The following ZNF208 variants were observed in gnomAD, a reference collection of about 807,000 sequenced individuals.
ZNF208 encodes zinc finger protein 95.
In ZNF208, 10 loss-of-function variants were observed where a neutral mutation model predicts 12.1. The ratio of observed to expected loss-of-function variants is 0.83; its 90% CI spans 0.51 to 1.40. The LOEUF is 1.40. ZNF208 is among the 40% of genes most tolerant of loss of function. The pLI, the probability that ZNF208 is intolerant of heterozygous loss-of-function variation, is 0.00. For synonymous variants in ZNF208, 497 were observed against 488.4 expected (o/e 1.02, Z -0.23); for missense variants, 1,652 against 1,485.0 (o/e 1.11, Z -1.85).
chr19:21,994,226 C>T (rs529837901), intron 1 of ZNF208, among the ~76,000 whole-genome samples: 1 of 152,030 alleles, frequency 6.6e-6, no homozygotes, highest in East Asian at 1.9e-4. Context: ...TCTGGAGGAA[C>T]AGAAAACAAG....
At chr19:21,975,376 C>A (rs1200593999) in intron 3 of ZNF208, among the ~76,000 whole-genome samples, 1 of 152,008 alleles carries the variant, frequency 6.6e-6, no homozygotes, top group Non-Finnish European at 1.5e-5. Context: ...CAGAGAGAGA[C>A]CAGATGTACC....
In ZNF208 at chr19:21,980,452, C is replaced by T. The variant is rs1207713037; in HGVS notation, c.227-5645G>A. On this transcript the variant is annotated intron_variant, in intron 3 of 3. Transcript: ENST00000397126. The stretch of plus-strand genomic sequence containing the variant: ...GTACAACTACATGGAAACTGAACAA[C>T]CTGCTCCTGAATGATTATAGGGTAA... 2.6e-5 allele frequency among the ~76,000 whole-genome samples: 4 copies of T among 152,128 alleles called. No individual in the cohort carries two copies. The East Asian group carries it at 7.7e-4, about 29-fold the overall frequency.
intron 1 of ZNF208, among the ~76,000 whole-genome samples, chr19:22,008,195 C>T (rs558377711): frequency 1.1e-4 from 17 of 148,064 alleles, no homozygotes; most frequent in South Asian, 2.1e-4. Flanking sequence ...CCCAGCTACT[C>T]AGGAGGCTGA....
chr19:21,964,321 C>T (rs1027754658), downstream of ZNF208, among the ~76,000 whole-genome samples: 2 of 151,642 alleles, frequency 1.3e-5, no homozygotes, highest in African/African-American at 4.8e-5. Flanking sequence ...GAACCCAGCA[C>T]TCAGAAATAG....
intron 4 of ZNF208, among the ~76,000 whole-genome samples, chr19:21,947,168 C>G (rs1225485314): frequency 6.6e-6 from 1 of 152,084 alleles, no homozygotes; most frequent in African/African-American, 2.4e-5. Flanking sequence ...TAAATTTTTA[C>G]TCAGTAAGGG....
intron 1 of ZNF208, among the ~76,000 whole-genome samples, chr19:21,989,123 C>G (rs1461253631): frequency 6.6e-6 from 1 of 151,532 alleles, no homozygotes; most frequent in Admixed American, 6.6e-5. Flanking sequence ...TTTTATGGTA[C>G]ATGTGCAGAA....
chr19:21,999,078 TATA>T (rs1970893115), intron 1 of ZNF208, among the ~76,000 whole-genome samples: 1 of 26,504 alleles, frequency 3.8e-5, no homozygotes, highest in Non-Finnish European at 7.9e-5. Flanking sequence ...TTATAAATTA[TATA>T]CCTATAATTT....
intron 3 of ZNF208, among the ~76,000 whole-genome samples, chr19:21,977,413 C>T (rs1168007262): frequency 3.3e-5 from 5 of 152,132 alleles, no homozygotes; most frequent in Admixed American, 6.6e-5. Flanking sequence ...ACAGTGGGTG[C>T]GGCTCCCTGA....
At chr19:21,947,308 C>A (rs2145512998) in intron 4 of ZNF208, among the ~76,000 whole-genome samples, 1 of 152,286 alleles carries the variant, frequency 6.6e-6, no homozygotes, top group African/African-American at 2.4e-5. Context: ...TCAGCACTAT[C>A]CAATGAATCT....
chr19:21,959,148 T>C (rs1970023134), intron 4 of ZNF208, among the ~76,000 whole-genome samples: 1 of 152,074 alleles, frequency 6.6e-6, no homozygotes, highest in Non-Finnish European at 1.5e-5. Context: ...CACTTAAGCA[T>C]CAAGGACAGG....
Position 21,969,599 on chromosome 19 carries a change from T to C in ZNF208, c.*1592A>G, listed in dbSNP as rs1256884285. Among the ~76,000 whole-genome samples the C allele has an allele frequency of 6.6e-6, 1 of 152,188 alleles. No individual in the cohort carries two copies. Among genetic ancestry groups the C allele is most frequent in the Non-Finnish European group, 1.5e-5 (1 of 68,026 alleles). On this transcript the variant is annotated 3_prime_UTR_variant, in exon 4 of 4. Coordinates refer to ENST00000397126, the MANE Select transcript of ZNF208 (RefSeq NM_007153.3). ...AATCTGTAGTTTTTGAAAAAATGTT[T>C]TTCCAAATTTATTAAATTTGCAGGG...
intron 4 of ZNF208, among the ~76,000 whole-genome samples, chr19:21,954,385 T>C (rs1969938678): frequency 6.6e-6 from 1 of 152,188 alleles, no homozygotes; most frequent in African/African-American, 2.4e-5. Flanking sequence ...TTCCTGGATA[T>C]CCTTGTTAAC....
At chr19:21,994,506 G>A (rs957448501) in intron 1 of ZNF208, among the ~76,000 whole-genome samples, 13 of 151,964 alleles carry the variant, frequency 8.6e-5, no homozygotes, top group African/African-American at 1.7e-4. Flanking sequence ...GTGTAGAGCC[G>A]ATGTACAATT....
At chr19:21,947,401 C>T (rs10415621) in intron 4 of ZNF208, among the ~76,000 whole-genome samples, 7,255 of 152,216 alleles carry the variant, frequency 0.048, 472 homozygotes, top group African/African-American at 0.15. Flanking sequence ...ACCCAAACCT[C>T]CTTCTAACTT....
chr19:21,966,064 T>C (rs1023344717), downstream of ZNF208: 2 of 151,870 alleles, frequency 1.3e-5, no homozygotes, highest in Non-Finnish European at 2.9e-5. Flanking sequence ...TTTCAACTAT[T>C]AACCCAGCAC....
Position 21,974,619 on chromosome 19 carries a change from T to C in ZNF208, c.415A>G (p.Thr139Ala). 1.2e-6 allele frequency: 2 copies of C among 1,613,730 alleles called. No homozygotes were observed. Among genetic ancestry groups the C allele is most frequent in the South Asian group, 1.1e-5 (1 of 91,060 alleles). ...GYNKLNQSLTTTQSKVFQRGK... is the reference protein window; with the variant it reads ...GYNKLNQSLTATQSKVFQRGK... The stretch of plus-strand genomic sequence containing the variant: ...CGTTGAAATACTTTGCTCTGTGTAG[T>C]TGTCAAACTCTGGTTAAGTTTATTA... The change falls in exon 4 of 4, where the codon ACT (threonine) becomes GCT (alanine). Residue 139 changes from threonine (T) to alanine (A), a missense_variant. Thr to Ala is a moderately conservative substitution (Grantham distance 58). Coordinates refer to ENST00000397126, the MANE Select transcript of ZNF208 (RefSeq NM_007153.3).
Position 21,972,611 on chromosome 19 carries a change from T to C in ZNF208, c.2423A>G (p.Glu808Gly), listed in dbSNP as rs754851994. The C allele has an allele frequency of 3.1e-6, 5 of 1,613,382 alleles. No homozygotes were observed. The highest frequency in any genetic ancestry group is 1.7e-5 in the Admixed American group (1 of 59,876). ...CTTACTAAAGGTTTTGCCACATTCT[T>C]CACATTTGTAGGGTTTCTCATCAGT... ...IHTDEKPYKCEECGKTFSKVS... is the reference protein window; with the variant it reads ...IHTDEKPYKCGECGKTFSKVS... Residue 808 changes from glutamate (E) to glycine (G), a missense_variant, in exon 4 of 4, where the codon GAA becomes GGA. Around this residue, in one of 3 missense-constraint regions of ZNF208, gnomAD observed 1,239 missense variants for 1,086.2 expected, o/e 1.14. Transcript: ENST00000397126.
rs373364346 is a variant in ZNF208 at position 21,992,270 on chromosome 19, T to C, written c.4-3361A>G. On this transcript the variant is annotated intron_variant, in intron 1 of 3. Transcript: ENST00000397126. ...TACACTAGAACACATTTTTATAATG[T>C]CCTGATGCACCCAGAAGGACGCAGC... Among the ~76,000 whole-genome samples the C allele has an allele frequency of 2.0e-5, 3 of 152,224 alleles. No homozygotes were observed. In the South Asian group the frequency reaches 6.2e-4, roughly 31 times the overall value.
At chr19:21,951,161 T>C (rs188407707) in intron 4 of ZNF208, among the ~76,000 whole-genome samples, 77 of 152,328 alleles carry the variant, frequency 5.1e-4, no homozygotes, top group South Asian at 1.0e-3. Context: ...CCTTGAGTAC[T>C]GTCAACCTGC....
Sources: allele counts gnomAD v4.1 joint callset (sites outside exome capture counted in the v4.1 genomes callset), GRCh38; gene constraint gnomAD v4.1.1; regional missense constraint gnomAD v4.1.1; transcripts MANE v1.5; gene names NCBI Gene and HGNC (gene_info 2026-07-23, HGNC 2026-07-21).